The following EEF1AKMT4 variants were observed in gnomAD, a reference collection of about 807,000 sequenced individuals.
EEF1AKMT4 encodes the protein EEF1A lysine methyltransferase 4.
A neutral mutation model predicts 23.0 loss-of-function variants in EEF1AKMT4; 17 were observed. That is an observed-to-expected ratio of 0.74 (90% CI 0.51 to 1.11). EEF1AKMT4 has a LOEUF of 1.11. Among genes scored for constraint, EEF1AKMT4 ranks in the 50% least tolerant of loss-of-function variants. The pLI is 0.00. For missense variants in EEF1AKMT4, 318 were observed against 333.4 expected, an observed-to-expected ratio of 0.95 and a Z score of 0.36; for synonymous variants, 140 against 141.4, an observed-to-expected ratio of 0.99 and a Z score of 0.07.
At chr3:184,251,510 G>A (rs975006414) in intron 1 of EEF1AKMT4, among the ~76,000 whole-genome samples, 3 of 151,924 alleles carry the variant, frequency 2.0e-5, no homozygotes, top group Admixed American at 2.0e-4. Context: ...TCCAGCCTGG[G>A]TGACAGAGTA....
At chr3:184,254,431 G>A (rs1719699556) in intron 1 of EEF1AKMT4, among the ~76,000 whole-genome samples, 2 of 151,792 alleles carry the variant, frequency 1.3e-5, no homozygotes, top group South Asian at 4.2e-4. Context: ...GCAGCCGGGT[G>A]CGGTGGCTCA....
At chr3:184,254,242 G>T (rs1291258084) in intron 1 of EEF1AKMT4, among the ~76,000 whole-genome samples, 1 of 151,910 alleles carries the variant, frequency 6.6e-6, no homozygotes, top group African/African-American at 2.4e-5. Flanking sequence ...TCTCCAATTT[G>T]TTATGCTTGC....
chr3:184,257,915 G>A lies in EEF1AKMT4; in HGVS notation c.480+159G>A, dbSNP rs184100698. On this transcript the variant is annotated intron_variant, in intron 2 of 2. Transcript: ENST00000324557. ...CTCTGAAGGGAGGGAAGGGTTAAGCGGGGTCGAGATTTATAGAGGCGGCTG... is the reference window on the plus strand; with the variant it reads ...CTCTGAAGGGAGGGAAGGGTTAAGCAGGGTCGAGATTTATAGAGGCGGCTG... 2.3e-3 allele frequency among the ~76,000 whole-genome samples: 346 copies of A among 152,268 alleles called. 1 individual carries two copies. The highest frequency in any genetic ancestry group is 7.5e-3 in the African/African-American group (313 of 41,526).
rs560217146 is a variant in EEF1AKMT4 at position 184,255,701 on chromosome 3, C to G, written c.197-1772C>G. ...TCCCTTCTCCATCCTGACCCTACCC[C>G]CTTTGGGACTGCTTTCCAGGCACTT... is the stretch of plus-strand genomic sequence containing the variant. On this transcript the variant is annotated intron_variant, in intron 1 of 2. Coordinates refer to ENST00000324557, the MANE Select transcript of EEF1AKMT4 (RefSeq NM_032331.4). Among the ~76,000 whole-genome samples, 206 of 152,318 alleles carry G rather than the reference C, an allele frequency of 1.4e-3. 1 individual carries two copies. Among genetic ancestry groups the G allele is most frequent in the African/African-American group, 4.7e-3 (195 of 41,574 alleles).
intron 1 of EEF1AKMT4, among the ~76,000 whole-genome samples, chr3:184,253,757 C>T (rs555481060): frequency 6.6e-6 from 1 of 151,530 alleles, no homozygotes; most frequent in Admixed American, 6.6e-5. Context: ...GCAAACTCCA[C>T]CTCCTGGGTT....
At chr3:184,252,359 GACCCACA>G (rs1479519418) in intron 1 of EEF1AKMT4, among the ~76,000 whole-genome samples, 3 of 152,124 alleles carry the variant, frequency 2.0e-5, no homozygotes, top group Admixed American at 2.0e-4. Flanking sequence ...GTAAGAACAG[GACCCACA>G]ACTTGGGAAA....
intron 1 of EEF1AKMT4, among the ~76,000 whole-genome samples, chr3:184,251,618 G>A (rs374180893): frequency 1.3e-4 from 20 of 152,266 alleles, no homozygotes; most frequent in African/African-American, 4.3e-4. Flanking sequence ...CAGGAGGATC[G>A]TTTGAGCCAG....
chr3:184,250,173 G>A (rs1243914756), intron 1 of EEF1AKMT4, among the ~76,000 whole-genome samples: 1 of 152,242 alleles, frequency 6.6e-6, no homozygotes, highest in African/African-American at 2.4e-5. Context: ...GGCAGCCTTG[G>A]GGACCGGATT....
At chr3:184,255,712 G>C (rs1159776738) in intron 1 of EEF1AKMT4, among the ~76,000 whole-genome samples, 2 of 152,220 alleles carry the variant, frequency 1.3e-5, no homozygotes, top group African/African-American at 4.8e-5. Flanking sequence ...CTTTGGGACT[G>C]CTTTCCAGGC....
chr3:184,257,388 G>A (rs1208938650), intron 1 of EEF1AKMT4, 85 bp from the exon 2 acceptor site: 7 of 1,387,228 alleles, frequency 5.0e-6, no homozygotes, highest in East Asian at 2.3e-5. Flanking sequence ...GAGAGAAAAC[G>A]GGGCCAAGAG....
At chr3:184,253,295 T>C (rs1324905004) in intron 1 of EEF1AKMT4, among the ~76,000 whole-genome samples, 1 of 152,174 alleles carries the variant, frequency 6.6e-6, no homozygotes, top group Non-Finnish European at 1.5e-5. Context: ...TCCCAGGGCA[T>C]CTGGTCAGAA....
At chr3:184,254,637 T>C (rs2636560) in intron 1 of EEF1AKMT4, among the ~76,000 whole-genome samples, 1 of 149,868 alleles carries the variant, frequency 6.7e-6, no homozygotes, top group Admixed American at 6.7e-5. Flanking sequence ...GGCGTGAACC[T>C]GGGAGGCGGA....
Position 184,249,768 on chromosome 3 carries a change from A to G in EEF1AKMT4, c.74A>G (p.Tyr25Cys), listed in dbSNP as rs753341586. Residue 25 changes from tyrosine to cysteine, a missense_variant, in exon 1 of 3, where the codon TAC becomes TGC. Transcript: ENST00000324557. ...ERNCGYREVE[Y>C]WDQRYQGAAD... is the part of the protein sequence containing the mutation. ...AACTGCGGGTACCGCGAAGTCGAGT[A>G]CTGGGATCAGCGCTACCAAGGCGCA... is the stretch of plus-strand genomic sequence containing the variant. 13 of 1,613,148 alleles carry G rather than the reference A, an allele frequency of 8.1e-6. No homozygotes were observed. In the African/African-American group the frequency reaches 1.7e-4, roughly 22 times the overall value.
At position 184,258,465 on chromosome 3, in the gene EEF1AKMT4, G is replaced by T. The variant is rs768721856; in HGVS notation, c.658G>T (p.Ala220Ser). The change falls in exon 3 of 3, where the codon GCC becomes TCC. Residue 220 changes from alanine (A) to serine (S), a missense_variant. Ala to Ser is a moderately conservative substitution (Grantham distance 99). Transcript: ENST00000324557. Reference sequence around the variant, plus strand: ...GCACAAGGGCGGGAAGCTCAGTGTGGCCCAGCTGGCTCTGGGGGCCCAAAT... The same window carrying T: ...GCACAAGGGCGGGAAGCTCAGTGTGTCCCAGCTGGCTCTGGGGGCCCAAAT... ...LMHKGGKLSVAQLALGAQILS... is the reference protein window; with the variant it reads ...LMHKGGKLSVSQLALGAQILS... The T allele has an allele frequency of 6.2e-7, 1 of 1,613,704 alleles. No homozygotes were observed. The highest frequency in any genetic ancestry group is 1.3e-5 in the African/African-American group (1 of 74,838).
rs1719918289 is a variant in EEF1AKMT4 at position 184,258,539 on chromosome 3, A to G, written c.732A>G (p.Ser244=). The G allele has an allele frequency of 6.2e-7, 1 of 1,606,368 alleles. No homozygotes were observed. The highest frequency in any genetic ancestry group is 1.1e-5 in the South Asian group (1 of 89,864). Residue 244 remains serine, a synonymous_variant, in exon 3 of 3, where the codon TCA becomes TCG. Coordinates refer to ENST00000324557, the MANE Select transcript of EEF1AKMT4 (RefSeq NM_032331.4). ...CCTCACCTTGCTTCCTTCAGGACTC[A>G]GATCATGAGGACTTCCTTAGTGCCA... ...PPTSPCFLQD[S]DHEDFLSAIQ...
rs141087907 is a variant in EEF1AKMT4, at chr3:184,249,889, A to C, written c.195A>C (p.Leu65=). ...GGCCCGAGGACCGTATCCTTGTGCT[A>C]GGTGGGTAATCCCGGCGCGGCCCCG... ...ELRPEDRILV[L]GCGNSALSYE... The change falls in exon 1 of 3, where the codon CTA becomes CTC. Residue 65 remains leucine, a splice_region_variant and synonymous_variant. Coordinates refer to ENST00000324557, the MANE Select transcript of EEF1AKMT4 (RefSeq NM_032331.4). 5 of 1,606,564 alleles carry C rather than the reference A, an allele frequency of 3.1e-6. No individual in the cohort carries two copies. In the East Asian group the frequency reaches 1.1e-4, roughly 36 times the overall value.
chr3:184,254,482 A>G (rs1327330872), intron 1 of EEF1AKMT4, among the ~76,000 whole-genome samples: 1 of 151,348 alleles, frequency 6.6e-6, no homozygotes, highest in Non-Finnish European at 1.5e-5. Context: ...AGGCGGGCAG[A>G]TCACAAGGTC....
rs1236194013 is a variant in EEF1AKMT4 at position 184,257,392 on chromosome 3, C to T, written c.197-81C>T. The T allele has an allele frequency of 7.0e-6, 10 of 1,422,028 alleles. No individual in the cohort carries two copies. The East Asian group carries it at 2.3e-4, about 33-fold the overall frequency. 88.1% of individuals were successfully genotyped at this position (1,422,028 alleles called of 1,614,324 possible). The stretch of plus-strand genomic sequence containing the variant: ...GGGTTTGGATTGAGAGAAAACGGGG[C>T]CAAGAGTGGATGGATATTCAGGGGG... On this transcript the variant is annotated intron_variant, in intron 1 of 2. Transcript: ENST00000324557.
intron 1 of EEF1AKMT4, among the ~76,000 whole-genome samples, chr3:184,254,644 C>T (rs2668190): frequency 1.3e-5 from 2 of 148,278 alleles, no homozygotes; most frequent in Non-Finnish European, 3.0e-5. Flanking sequence ...ACCTGGGAGG[C>T]GGAGCTTGCA....
Sources: gnomAD v4.1 joint callset for allele counts (sites outside exome capture counted in the v4.1 genomes callset) on GRCh38, gnomAD v4.1.1 for gene constraint, MANE v1.5 for transcripts, NCBI Gene and HGNC (gene_info 2026-07-23, HGNC 2026-07-21) for gene names.